Variants in MXI1 observed in about 807,000 individuals in gnomAD.
MXI1 encodes the protein MAX interactor 1, dimerization protein.
In MXI1, 18 loss-of-function variants were observed where a neutral mutation model predicts 36.9. That is an observed-to-expected ratio of 0.49 (90% CI 0.34 to 0.72). The LOEUF (loss-of-function observed/expected upper bound fraction) is 0.72, where lower values mean the gene tolerates loss of function less well. Among genes scored for constraint, MXI1 ranks in the 30% least tolerant of loss-of-function variants. The probability of loss-of-function intolerance (pLI) is 0.01; values close to 1 mark genes in which losing one functional copy is unlikely to be tolerated. For synonymous variants in MXI1, 160 were observed against 146.7 expected (o/e 1.09, Z -0.65); for missense variants, 304 against 379.1 (o/e 0.80, Z 1.64).
chr10:110,259,967 C>T (rs971585286), intron 3 of MXI1, among the ~76,000 whole-genome samples: 21 of 152,046 alleles, frequency 1.4e-4, no homozygotes, highest in African/African-American at 4.8e-4. Flanking sequence ...ATACTCACAT[C>T]TTCTAAATCA....
intron 2 of MXI1, among the ~76,000 whole-genome samples, chr10:110,242,011 A>G (rs1281044236): frequency 1.3e-5 from 2 of 151,904 alleles, no homozygotes; most frequent in African/African-American, 4.8e-5. Context: ...TCTTTCTCTA[A>G]CACCATGGGT....
chr10:110,238,060 A>G (rs908527618), intron 2 of MXI1, among the ~76,000 whole-genome samples: 1 of 152,184 alleles, frequency 6.6e-6, no homozygotes, highest in African/African-American at 2.4e-5. Flanking sequence ...TGCTTTTTCC[A>G]TGGAATCAGG....
At chr10:110,253,500 C>A (rs2134412614) in intron 3 of MXI1, among the ~76,000 whole-genome samples, 1 of 152,136 alleles carries the variant, frequency 6.6e-6, no homozygotes, top group African/African-American at 2.4e-5. Context: ...TTAAAAAGGG[C>A]ATAGTTTTTT....
intron 5 of MXI1, among the ~76,000 whole-genome samples, chr10:110,280,769 TGATGTGAATTTTTATATGTA>T (rs1435619218): frequency 6.6e-6 from 1 of 152,164 alleles, no homozygotes; most frequent in East Asian, 1.9e-4. Flanking sequence ...TTACTACTGG[TGATGTGAATTTTTATATGTA>T]GATTTTAAAG....
chr10:110,260,613 G>A (rs1420396453), intron 3 of MXI1, among the ~76,000 whole-genome samples: 1 of 152,002 alleles, frequency 6.6e-6, no homozygotes, highest in Non-Finnish European at 1.5e-5. Context: ...ACATGGTACT[G>A]TAGCTATAAT....
chr10:110,225,955 G>A (rs1854950641), intron 1 of MXI1: 1 of 937,560 alleles, frequency 1.1e-6, no homozygotes, highest in Admixed American at 6.2e-5. Context: ...GGCGGGCCCC[G>A]GCGCTGCTCC....
intron 3 of MXI1, among the ~76,000 whole-genome samples, chr10:110,247,577 AG>A (rs1200728629): frequency 6.6e-6 from 1 of 152,190 alleles, no homozygotes; most frequent in Non-Finnish European, 1.5e-5. Flanking sequence ...GGTGTAAGGA[AG>A]GGATCCAGTT....
chr10:110,230,115 T>A (rs972446527), intron 2 of MXI1, among the ~76,000 whole-genome samples: 1 of 152,230 alleles, frequency 6.6e-6, no homozygotes, highest in Non-Finnish European at 1.5e-5. Flanking sequence ...ATTTAGTATG[T>A]CTCCCATCAT....
intron 3 of MXI1, among the ~76,000 whole-genome samples, chr10:110,276,829 CTTTCT>C (rs1235794912): frequency 9.1e-4 from 137 of 149,794 alleles, no homozygotes; most frequent in Admixed American, 2.3e-3. Flanking sequence ...ATTTTCCTTT[CTTTCT>C]TTTCTTTTCT....
At chr10:110,278,699 AGGG>A (rs1857126752) in intron 3 of MXI1, among the ~76,000 whole-genome samples, 1 of 115,308 alleles carries the variant, frequency 8.7e-6, no homozygotes, top group Non-Finnish European at 1.6e-5. Flanking sequence ...GTAGAGAGGT[AGGG>A]TGTGTGTGTG....
At chr10:110,231,063 T>A (rs929441845) in intron 2 of MXI1, among the ~76,000 whole-genome samples, 2 of 152,180 alleles carry the variant, frequency 1.3e-5, no homozygotes, top group Admixed American at 1.3e-4. Flanking sequence ...TTATATGATA[T>A]GCCTGATAAA....
At chr10:110,229,633 T>C (rs1855190719) in intron 2 of MXI1, among the ~76,000 whole-genome samples, 1 of 152,220 alleles carries the variant, frequency 6.6e-6, no homozygotes, top group South Asian at 2.1e-4. Flanking sequence ...TCTTAAGTTA[T>C]AAAAATAATT....
intron 1 of MXI1, among the ~76,000 whole-genome samples, chr10:110,223,807 T>C (rs1367483436): frequency 2.0e-5 from 3 of 151,322 alleles, no homozygotes; most frequent in Non-Finnish European, 2.9e-5. Flanking sequence ...AACAGTCCCT[T>C]TTTGAAAGCC....
intron 2 of MXI1, among the ~76,000 whole-genome samples, chr10:110,230,348 A>G (rs1221136896): frequency 6.6e-6 from 1 of 152,192 alleles, no homozygotes; most frequent in Non-Finnish European, 1.5e-5. Context: ...AGTGCTAATT[A>G]CTGTGTTTTA....
chr10:110,261,445 T>TA (rs34763075), intron 3 of MXI1, among the ~76,000 whole-genome samples: 11 of 149,284 alleles, frequency 7.4e-5, no homozygotes, highest in African/African-American at 2.7e-4. Flanking sequence ...TTTTTTTTTT[T>TA]AACCCCTCCA....
In MXI1 at chr10:110,228,195, A is replaced by C. The variant is rs754130465; in HGVS notation, c.281A>C (p.Glu94Ala). Residue 94 changes from glutamate (E) to alanine (A), a missense_variant, in exon 2 of 6, where the codon GAA becomes GCA. Physicochemically the swap from Glu to Ala is moderately radical, Grantham distance 107 (BLOSUM62 -1). Around this residue, in one of 2 missense-constraint regions of MXI1, gnomAD observed 179 missense variants for 184.8 expected, o/e 0.97. Transcript: ENST00000332674. ...TTTTTCTTGCTTTCTTCAGAGTGTG[A>C]ACATGGCTACGCCTCTTCATTCCCG... Reference protein sequence around the residue: ...EQIEKENKKCEHGYASSFPSM... With the variant: ...EQIEKENKKCAHGYASSFPSM... 1 of 1,613,870 alleles carries C rather than the reference A, an allele frequency of 6.2e-7. No individual in the cohort carries two copies. The highest frequency in any genetic ancestry group is 8.5e-7 in the Non-Finnish European group (1 of 1,180,010).
chr10:110,265,950 T>G (rs1856664677), intron 3 of MXI1, among the ~76,000 whole-genome samples: 1 of 152,230 alleles, frequency 6.6e-6, no homozygotes, highest in Admixed American at 6.5e-5. Context: ...AGTTGTCACT[T>G]ACTCTGGGGT....
At chr10:110,231,861 C>G (rs1432190057) in intron 2 of MXI1, among the ~76,000 whole-genome samples, 1 of 152,192 alleles carries the variant, frequency 6.6e-6, no homozygotes, top group Non-Finnish European at 1.5e-5. Context: ...CTAAATATCT[C>G]TTCAGTCGGC....
intron 2 of MXI1, 95 bp downstream of exon 2, chr10:110,228,416 C>A: frequency 5.5e-6 from 8 of 1,449,748 alleles, no homozygotes; most frequent in Non-Finnish European, 7.6e-6. Context: ...TTGATGGGTT[C>A]CTTTACCACT....
Sources: gnomAD v4.1 joint callset for allele counts (sites outside exome capture counted in the v4.1 genomes callset) on GRCh38, gnomAD v4.1.1 for gene constraint, gnomAD v4.1.1 regional missense constraint, MANE v1.5 for transcripts, NCBI Gene and HGNC (gene_info 2026-07-23, HGNC 2026-07-21) for gene names.